The following SPINK4 variants were observed in gnomAD, a reference collection of about 807,000 sequenced individuals.
SPINK4 encodes the protein serine protease inhibitor Kazal-type 4.
In SPINK4, 10 loss-of-function variants were observed where a neutral mutation model predicts 12.3. That is an observed-to-expected ratio of 0.81 (90% CI 0.50 to 1.37). The LOEUF is 1.37. Among genes scored for constraint, SPINK4 ranks in the 40% most tolerant of loss-of-function variants. The pLI, the probability that SPINK4 is intolerant of heterozygous loss-of-function variation, is 0.00. For missense variants in SPINK4, 91 were observed against 109.0 expected (o/e 0.84, Z 0.73); for synonymous variants, 37 against 40.2 (o/e 0.92, Z 0.30).
intron 2 of SPINK4, 107 bp downstream of exon 2, chr9:33,245,259 A>C (rs1414827507): frequency 7.9e-7 from 1 of 1,272,416 alleles, no homozygotes. Context: ...AGACACCTTC[A>C]ATGGCTCCAA....
rs150879808 is a variant in SPINK4, at chr9:33,245,284, C to A, written c.102+132C>A. 1.2e-4 allele frequency: 106 copies of A among 908,368 alleles called. 1 individual carries two copies. The African/African-American group carries it at 1.7e-3, about 14-fold the overall frequency. The allele number at this position is 908,368 out of a possible 1,614,324, so 56.3% of individuals were successfully genotyped here. A position where few individuals can be genotyped will look rare whatever the true frequency, so the allele number is the denominator to read the frequency against. ...AATGGCTCCAAGGTGGCCAAGGTGG[C>A]CTCCTGGCCTGCACATTCCCCACAT... On this transcript the variant is annotated intron_variant, in intron 2 of 3. Transcript: ENST00000379721.
At position 33,248,442 on chromosome 9, in the gene SPINK4, A is replaced by G. The variant is rs1419338533; in HGVS notation, c.232A>G (p.Ile78Val). 7 of 1,613,988 alleles carry G rather than the reference A, an allele frequency of 4.3e-6. No homozygotes were observed. The highest frequency in any genetic ancestry group is 5.9e-6 in the Non-Finnish European group (7 of 1,180,038). Residue 78 changes from isoleucine to valine, a missense_variant, in exon 4 of 4, where the codon ATC becomes GTC. Ile to Val is a conservative substitution (Grantham distance 29, BLOSUM62 3). Coordinates refer to ENST00000379721, the MANE Select transcript of SPINK4 (RefSeq NM_014471.3). ...TGATCCTAGAAAAACCAAACAGGAC[A>G]TCCAGATCATGAAAGATGGCAAATG... is the stretch of plus-strand genomic sequence containing the variant. ...CLARIKTKQDIQIMKDGKC is the reference protein window; with the variant it reads ...CLARIKTKQDVQIMKDGKC
In SPINK4 at chr9:33,245,134, G is replaced by T. The variant is rs1820273042; in HGVS notation, c.84G>T (p.Lys28Asn). Reference protein sequence around the residue: ...VDREVPVAAGKLPFSRMPICE... With the variant: ...VDREVPVAAGNLPFSRMPICE... ...CAGAAGTGCCAGTGGCAGCAGGAAAGCTCCCTTTCTCAAGAATGGTAAGGC... is the reference window on the plus strand; with the variant it reads ...CAGAAGTGCCAGTGGCAGCAGGAAATCTCCCTTTCTCAAGAATGGTAAGGC... The change falls in exon 2 of 4, where the codon AAG becomes AAT. Residue 28 changes from lysine (K) to asparagine (N), a missense_variant. Lys to Asn is a moderately conservative substitution (Grantham distance 94). Coordinates refer to ENST00000379721, the MANE Select transcript of SPINK4 (RefSeq NM_014471.3). 1 of 1,613,668 alleles carries T rather than the reference G, an allele frequency of 6.2e-7. No homozygotes were observed. Among genetic ancestry groups the T allele is most frequent in the African/African-American group, 1.3e-5 (1 of 74,896 alleles).
chr9:33,248,106 G>A (rs1587781692), intron 3 of SPINK4: 2 of 330,112 alleles, frequency 6.1e-6, no homozygotes, highest in African/African-American at 2.1e-5. Flanking sequence ...GGACAGTTGA[G>A]CCCCTAGGAC....
chr9:33,247,387 C>T (rs1820297355), intron 3 of SPINK4, among the ~76,000 whole-genome samples: 1 of 150,470 alleles, frequency 6.6e-6, no homozygotes, highest in Admixed American at 6.6e-5. Flanking sequence ...AGGCTGGTCT[C>T]GAACTCCCGA....
At chr9:33,245,869 G>T (rs140042206) in intron 2 of SPINK4, among the ~76,000 whole-genome samples, 5 of 152,180 alleles carry the variant, frequency 3.3e-5, no homozygotes, top group Non-Finnish European at 4.4e-5. Context: ...TACAGATGAG[G>T]AAACTGAGAC....
At chr9:33,247,366 C>T (rs1011207040) in intron 3 of SPINK4, among the ~76,000 whole-genome samples, 4 of 150,782 alleles carry the variant, frequency 2.7e-5, no homozygotes, top group African/African-American at 9.8e-5. Context: ...TGGGGTTTCA[C>T]CATGTTGGCC....
At chr9:33,245,290 G>T in intron 2 of SPINK4, 138 bp downstream of exon 2, 1 of 830,702 alleles carries the variant, frequency 1.2e-6, no homozygotes, top group Non-Finnish European at 1.8e-6. Flanking sequence ...GTGGCCTCCT[G>T]GCCTGCACAT....
Position 33,247,227 on chromosome 9 carries a change from T to C in SPINK4, c.215+499T>C, listed in dbSNP as rs190019517. On this transcript the variant is annotated intron_variant, in intron 3 of 3. Transcript: ENST00000379721. The stretch of plus-strand genomic sequence containing the variant: ...AGGCTGGAGTGCAGTGGCACGATCT[T>C]GGCTCATTGCAACCTCCGCCTCCTG... Among the ~76,000 whole-genome samples, 161 of 151,216 alleles carry C rather than the reference T, an allele frequency of 1.1e-3. 1 individual carries two copies. The highest frequency in any genetic ancestry group is 3.7e-3 in the African/African-American group (151 of 41,304).
chr9:33,245,180 T>C (rs1010114997), intron 2 of SPINK4, 28 bp downstream of exon 2: 9 of 1,610,230 alleles, frequency 5.6e-6, no homozygotes, highest in African/African-American at 1.3e-5. Flanking sequence ...TGTTCTCACC[T>C]TCTCTCTGCT....
chr9:33,240,290 T>C (rs1387683117), intron 1 of SPINK4, 21 bp downstream of exon 1: 2 of 1,587,028 alleles, frequency 1.3e-6, no homozygotes, highest in Non-Finnish European at 8.6e-7. Flanking sequence ...AGAACCTGGA[T>C]TCTCTGTGGC....
intron 1 of SPINK4, among the ~76,000 whole-genome samples, chr9:33,244,354 G>A (rs900463040): frequency 5.9e-5 from 9 of 152,144 alleles, no homozygotes; most frequent in Middle Eastern, 3.2e-3. Flanking sequence ...TTCGTAGTTC[G>A]TTAAACTGAC....
intron 3 of SPINK4, 184 bp from the exon 4 acceptor site, chr9:33,248,242 G>T (rs1820305449): frequency 1.2e-5 from 7 of 601,330 alleles, no homozygotes; most frequent in Middle Eastern, 9.0e-4. Flanking sequence ...CCAGGGGAAG[G>T]GTGTACAAAA....
intron 1 of SPINK4, among the ~76,000 whole-genome samples, chr9:33,241,612 C>A (rs995591706): frequency 1.3e-5 from 2 of 152,240 alleles, no homozygotes; most frequent in African/African-American, 4.8e-5. Context: ...AGCCTGGCAC[C>A]TACACCTACC....
At chr9:33,247,137 TAGTC>T (rs892791459) in intron 3 of SPINK4, among the ~76,000 whole-genome samples, 5 of 151,250 alleles carry the variant, frequency 3.3e-5, no homozygotes, top group African/African-American at 7.3e-5. Flanking sequence ...GCCAGGCTGA[TAGTC>T]AGCCAATTGC....
chr9:33,241,848 T>A (rs938964316), intron 1 of SPINK4, among the ~76,000 whole-genome samples: 25 of 151,838 alleles, frequency 1.6e-4, no homozygotes, highest in African/African-American at 6.1e-4. Context: ...CACCCCCTCC[T>A]CCCAATACAC....
chr9:33,246,810 C>T, intron 3 of SPINK4, 82 bp downstream of exon 3: 1 of 1,208,172 alleles, frequency 8.3e-7, no homozygotes, highest in Non-Finnish European at 1.2e-6. Context: ...ACTTGACCTG[C>T]TTCTTCCTTC....
At chr9:33,247,015 C>A (rs1356551840) in intron 3 of SPINK4, among the ~76,000 whole-genome samples, 1 of 152,026 alleles carries the variant, frequency 6.6e-6, no homozygotes, top group East Asian at 1.9e-4. Flanking sequence ...ATTCGTCTAG[C>A]CAGCAATTAT....
At chr9:33,242,263 GA>G (rs2117871411) in intron 1 of SPINK4, among the ~76,000 whole-genome samples, 1 of 152,362 alleles carries the variant, frequency 6.6e-6, no homozygotes, top group South Asian at 2.1e-4. Flanking sequence ...GGTGCATAGG[GA>G]GGCGGGGTGA....
Sources: gnomAD v4.1 joint callset for allele counts (sites outside exome capture counted in the v4.1 genomes callset) on GRCh38, gnomAD v4.1.1 for gene constraint, MANE v1.5 for transcripts, NCBI Gene and HGNC (gene_info 2026-07-23, HGNC 2026-07-21) for gene names.